SRBD1: variants seen among roughly 807,000 people sequenced by gnomAD.
SRBD1 encodes the protein S1 RNA binding domain 1.
SRBD1 carries 88 observed loss-of-function variants against 115.3 expected under a neutral mutation model. The observed-to-expected ratio is 0.76, with a 90% CI of 0.64 to 0.91. SRBD1 has a LOEUF of 0.91. SRBD1 is among the 40% of genes least tolerant of loss of function. The pLI, the probability that SRBD1 is intolerant of heterozygous loss-of-function variation, is 0.00. For synonymous variants in SRBD1, 509 were observed against 407.7 expected (o/e 1.25, Z -2.99); for missense variants, 1,385 against 1,177.4 (o/e 1.18, Z -2.58).
intron 14 of SRBD1, among the ~76,000 whole-genome samples, chr2:45,531,248 T>C (rs542499082): frequency 6.6e-6 from 1 of 152,010 alleles, no homozygotes; most frequent in African/African-American, 2.4e-5. Flanking sequence ...CAGGTCTGGA[T>C]TGAAATTTAT....
At chr2:45,493,269 A>T (rs1670354033) in intron 14 of SRBD1, among the ~76,000 whole-genome samples, 1 of 152,332 alleles carries the variant, frequency 6.6e-6, no homozygotes, top group South Asian at 2.1e-4. Context: ...ACATGAACCA[A>T]CATAAATCTT....
At chr2:45,590,889 C>T (rs1425483065) in intron 4 of SRBD1, among the ~76,000 whole-genome samples, 2 of 151,960 alleles carry the variant, frequency 1.3e-5, no homozygotes, top group Admixed American at 6.6e-5. Context: ...TGGTGGTATG[C>T]GCCTGTAATC....
chr2:45,413,345 A>G (rs758799976), intron 18 of SRBD1, 52 bp from the exon 19 acceptor site: 1 of 1,558,010 alleles, frequency 6.4e-7, no homozygotes. Context: ...GGTTGGGCAG[A>G]AAAGTCTTCA....
At chr2:45,563,383 C>T (rs979489583) in intron 9 of SRBD1, among the ~76,000 whole-genome samples, 3 of 151,614 alleles carry the variant, frequency 2.0e-5, no homozygotes, top group African/African-American at 7.3e-5. Context: ...ATTAAAAGAA[C>T]GACTGTCTTA....
intron 8 of SRBD1, among the ~76,000 whole-genome samples, chr2:45,574,126 G>T (rs981296036): frequency 1.3e-5 from 2 of 152,034 alleles, no homozygotes; most frequent in Admixed American, 6.6e-5. Flanking sequence ...GATAAATTGG[G>T]ACTGTGATGC....
chr2:45,538,397 T>C (rs1208734397), intron 14 of SRBD1, among the ~76,000 whole-genome samples: 2 of 152,102 alleles, frequency 1.3e-5, no homozygotes, highest in Admixed American at 6.5e-5. Flanking sequence ...AAAATAAGAA[T>C]AACAAAGAGG....
At chr2:45,414,777 CACACACACATAGTGTGTATATAGTATGT>C (rs1553384171) in intron 18 of SRBD1, among the ~76,000 whole-genome samples, 7 of 78,734 alleles carry the variant, frequency 8.9e-5, no homozygotes, top group African/African-American at 3.0e-4. Flanking sequence ...ATAGTATGTA[CACACACACATAGTGTGTATATAGTATGT>C]ACACACACAT....
chr2:45,414,479 G>A (rs542602390), intron 18 of SRBD1, among the ~76,000 whole-genome samples: 2 of 142,784 alleles, frequency 1.4e-5, no homozygotes, highest in South Asian at 2.3e-4. Context: ...TATATAGTGT[G>A]TGTGTACAGT....
intron 19 of SRBD1, among the ~76,000 whole-genome samples, chr2:45,412,282 A>C (rs546986828): frequency 6.6e-6 from 1 of 152,278 alleles, no homozygotes; most frequent in East Asian, 1.9e-4. Flanking sequence ...TTTCATCATA[A>C]AACTGTTGGG....
At chr2:45,557,255 C>T (rs527378360) in intron 10 of SRBD1, among the ~76,000 whole-genome samples, 1 of 152,282 alleles carries the variant, frequency 6.6e-6, no homozygotes, top group South Asian at 2.1e-4. Context: ...GGAGAGAGAA[C>T]ATAGTCCTGA....
intron 1 of SRBD1, among the ~76,000 whole-genome samples, chr2:45,607,862 A>G (rs909734553): frequency 6.6e-6 from 1 of 152,166 alleles, no homozygotes; most frequent in African/African-American, 2.4e-5. Flanking sequence ...AAGGCAGAGA[A>G]CCCTAGTCTT....
intron 16 of SRBD1, among the ~76,000 whole-genome samples, chr2:45,432,003 G>GCATTTATT (rs1553330550): frequency 7.0e-6 from 1 of 142,872 alleles, no homozygotes; most frequent in African/African-American, 2.6e-5. Context: ...AGAGTTAAAA[G>GCATTTATT]TATTTATTTA....
chr2:45,518,935 C>T (rs1671200116), intron 14 of SRBD1, among the ~76,000 whole-genome samples: 1 of 147,860 alleles, frequency 6.8e-6, no homozygotes, highest in African/African-American at 2.5e-5. Flanking sequence ...TGAGCTTTCT[C>T]AGGGTGAGCT....
intron 9 of SRBD1, among the ~76,000 whole-genome samples, chr2:45,571,533 A>AC (rs1277888624): frequency 6.7e-6 from 1 of 149,396 alleles, no homozygotes; most frequent in East Asian, 1.9e-4. Context: ...AAAAAAAAAA[A>AC]AAAAAAAAAC....
At chr2:45,432,591 C>T (rs1376314064) in intron 16 of SRBD1, among the ~76,000 whole-genome samples, 1 of 152,130 alleles carries the variant, frequency 6.6e-6, no homozygotes, top group Admixed American at 6.5e-5. Context: ...TGACACATCA[C>T]TCTACTGGCA....
intron 4 of SRBD1, among the ~76,000 whole-genome samples, chr2:45,595,663 C>G (rs1673871824): frequency 6.6e-6 from 1 of 152,194 alleles, no homozygotes; most frequent in African/African-American, 2.4e-5. Context: ...TACTTTCTCT[C>G]TGACAAAGTT....
At chr2:45,435,865 C>A (rs977206837) in intron 16 of SRBD1, among the ~76,000 whole-genome samples, 1 of 152,168 alleles carries the variant, frequency 6.6e-6, no homozygotes, top group African/African-American at 2.4e-5. Flanking sequence ...TCTCTATAAT[C>A]TTTTCCAGAA....
intron 15 of SRBD1, among the ~76,000 whole-genome samples, chr2:45,481,243 C>T (rs1572687602): frequency 1.3e-5 from 2 of 152,120 alleles, no homozygotes; most frequent in Admixed American, 1.3e-4. Flanking sequence ...TTTATAACTC[C>T]TATGTCCAGG....
chr2:45,587,184 A>G (rs1432052378), intron 4 of SRBD1, among the ~76,000 whole-genome samples: 1 of 145,174 alleles, frequency 6.9e-6, no homozygotes, highest in Non-Finnish European at 1.5e-5. Context: ...AAAATATTTA[A>G]AAATTTTTAA....
Sources: gnomAD v4.1 joint callset for allele counts (sites outside exome capture counted in the v4.1 genomes callset) on GRCh38, gnomAD v4.1.1 for gene constraint, MANE v1.5 for transcripts, NCBI Gene and HGNC (gene_info 2026-07-23, HGNC 2026-07-21) for gene names.